MAST4: variants seen among roughly 807,000 people sequenced by gnomAD.
MAST4 encodes microtubule-associated serine/threonine-protein kinase 4.
MAST4 carries 89 observed loss-of-function variants against 162.7 expected under a neutral mutation model. The ratio of observed to expected loss-of-function variants is 0.55; its 90% CI spans 0.46 to 0.65. The LOEUF (loss-of-function observed/expected upper bound fraction) is 0.65. Ranked by LOEUF, MAST4 falls within the 30% of genes least tolerant of loss-of-function variation. The pLI is 0.00. For missense variants in MAST4, 3,153 were observed against 3,374.0 expected (o/e 0.93, Z 1.62); for synonymous variants, 1,479 against 1,361.1 (o/e 1.09, Z -1.91).
At chr5:66,639,667 A>G (rs1221782033) in intron 1 of MAST4, among the ~76,000 whole-genome samples, 1 of 152,176 alleles carries the variant, frequency 6.6e-6, no homozygotes, top group African/African-American at 2.4e-5. Flanking sequence ...TTATATGTGT[A>G]TGTGGGATAA....
chr5:66,894,005 C>G (rs537717858), intron 3 of MAST4, among the ~76,000 whole-genome samples: 1 of 152,298 alleles, frequency 6.6e-6, no homozygotes, highest in Non-Finnish European at 1.5e-5. Flanking sequence ...CCTGTACACC[C>G]AGCTAATTTT....
intron 4 of MAST4, among the ~76,000 whole-genome samples, chr5:67,029,975 TTATA>T (rs1050991946): frequency 1.3e-5 from 2 of 152,088 alleles, no homozygotes; most frequent in Non-Finnish European, 2.9e-5. Context: ...TTTCTCTAAA[TTATA>T]TACTTAAATT....
At position 67,153,078 on chromosome 5, in the gene MAST4, C is replaced by T. The variant is rs112614130; in HGVS notation, c.3525+212C>T. Reference sequence around the variant, plus strand: ...CATAATTCTGTCCAGTTTTCATATTCGATTGTTCTTTCTTACATACCAAGC... The same window carrying T: ...CATAATTCTGTCCAGTTTTCATATTTGATTGTTCTTTCTTACATACCAAGC... On this transcript the variant is annotated intron_variant, in intron 25 of 28. Coordinates refer to ENST00000403625, the MANE Select transcript of MAST4 (RefSeq NM_001164664.2). 7.6e-3 allele frequency among the ~76,000 whole-genome samples: 1,164 copies of T among 152,290 alleles called. 21 individuals are homozygous for T. The highest frequency in any genetic ancestry group is 0.026 in the African/African-American group (1,090 of 41,562).
chr5:66,730,886 A>G (rs771147394), intron 1 of MAST4, among the ~76,000 whole-genome samples: 2 of 152,120 alleles, frequency 1.3e-5, no homozygotes, highest in Admixed American at 6.6e-5. Context: ...TAGGGAAAAG[A>G]GTACTTTACA....
At chr5:67,027,928 G>A (rs1160729048) in intron 4 of MAST4, among the ~76,000 whole-genome samples, 1 of 152,182 alleles carries the variant, frequency 6.6e-6, no homozygotes, top group East Asian at 1.9e-4. Flanking sequence ...AGTAATATCA[G>A]TTGAGCACCT....
intron 4 of MAST4, among the ~76,000 whole-genome samples, chr5:66,965,795 T>G (rs1746659452): frequency 6.6e-6 from 1 of 152,150 alleles, no homozygotes; most frequent in Non-Finnish European, 1.5e-5. Flanking sequence ...ATACTAAAGC[T>G]AAAAAGTTTG....
chr5:66,788,711 C>G lies in MAST4; in HGVS notation c.559C>G (p.Pro187Ala), dbSNP rs758729693. ...LPNPVAGQAWPASAETSNLVR... is the reference protein window; with the variant it reads ...LPNPVAGQAWAASAETSNLVR... ...AAACCCGGTGGCGGGACAGGCCTGG[C>G]CGGCCTCTGCAGAGACGTCCAACCT... Residue 187 changes from proline to alanine, a missense_variant, in exon 3 of 29, where the codon CCG (proline) becomes GCG (alanine). By Grantham distance (27) the Pro-to-Ala change is conservative. This residue lies in a region of MAST4 where 327 missense variants were observed against 336.5 expected (regional missense o/e 0.97). Coordinates refer to ENST00000403625, the MANE Select transcript of MAST4 (RefSeq NM_001164664.2). The G allele has an allele frequency of 6.2e-6, 10 of 1,613,450 alleles. No individual in the cohort carries two copies. In the South Asian group the frequency reaches 8.8e-5, roughly 14 times the overall value.
intron 1 of MAST4, among the ~76,000 whole-genome samples, chr5:66,681,428 G>C (rs912502200): frequency 6.6e-6 from 1 of 152,162 alleles, no homozygotes; most frequent in African/African-American, 2.4e-5. Context: ...AGATCACCTG[G>C]GGTCCACTGA....
At position 66,749,789 on chromosome 5, in the gene MAST4, G is replaced by A. The variant is rs759276625; in HGVS notation, c.364-9920G>A. On this transcript the variant is annotated intron_variant, in intron 1 of 28. Coordinates refer to ENST00000403625, the MANE Select transcript of MAST4 (RefSeq NM_001164664.2). ...CAGAAATAGTTAAATATCTTAATTA[G>A]GATAGTAAGTGTCAGCTCTCATCTG... Among the ~76,000 whole-genome samples, 13 of 152,194 alleles carry A rather than the reference G, an allele frequency of 8.5e-5. No individual in the cohort carries two copies. In the East Asian group the frequency reaches 2.5e-3, roughly 29 times the overall value.
At chr5:66,639,040 T>C (rs1425048428) in intron 1 of MAST4, among the ~76,000 whole-genome samples, 1 of 152,158 alleles carries the variant, frequency 6.6e-6, no homozygotes, top group Non-Finnish European at 1.5e-5. Flanking sequence ...TCAGATAGCA[T>C]GTAGATGATA....
rs116405246 is a variant in MAST4, at chr5:66,725,572, A to G, written c.364-34137A>G. 7.2e-3 allele frequency among the ~76,000 whole-genome samples: 1,095 copies of G among 152,310 alleles called. 9 individuals carry two copies. Among genetic ancestry groups the G allele is most frequent in the African/African-American group, 0.025 (1,056 of 41,576 alleles). On this transcript the variant is annotated intron_variant, in intron 1 of 28. Transcript: ENST00000403625. ...TTTCAAAATAGTATTAACTTCCAAG[A>G]GACACTTCTCTGACTTCTAAAACTT... is the stretch of plus-strand genomic sequence containing the variant.
At position 66,611,594 on chromosome 5, in the gene MAST4, T is replaced by A. The variant is rs2149394846; in HGVS notation, c.363+14576T>A. 2.6e-5 allele frequency among the ~76,000 whole-genome samples: 4 copies of A among 152,336 alleles called. 1 individual carries two copies. The highest frequency in any genetic ancestry group is 2.6e-4 in the Admixed American group (4 of 15,308). ...GCCTCTCTTGATATCTCTTTAGGGATCTTCTGTGGTGTTTAAAAGGAAGGT... is the reference window on the plus strand; with the variant it reads ...GCCTCTCTTGATATCTCTTTAGGGAACTTCTGTGGTGTTTAAAAGGAAGGT... On this transcript the variant is annotated intron_variant, in intron 1 of 28. Coordinates refer to ENST00000403625, the MANE Select transcript of MAST4 (RefSeq NM_001164664.2).
intron 23 of MAST4, among the ~76,000 whole-genome samples, chr5:67,148,782 A>G (rs1180849255): frequency 6.6e-6 from 1 of 152,134 alleles, no homozygotes; most frequent in South Asian, 2.1e-4. Context: ...GAATGAAAGG[A>G]GGCATATGGC....
chr5:67,049,466 T>A (rs908003196), intron 4 of MAST4, among the ~76,000 whole-genome samples: 2 of 152,152 alleles, frequency 1.3e-5, no homozygotes, highest in Non-Finnish European at 2.9e-5. Flanking sequence ...TTTCTTCCAC[T>A]TCAGCCTTCT....
At chr5:66,798,239 T>C (rs577781780) in intron 3 of MAST4, among the ~76,000 whole-genome samples, 27 of 152,084 alleles carry the variant, frequency 1.8e-4, no homozygotes, top group African/African-American at 6.3e-4. Context: ...TGTGGAGTAG[T>C]GTGGTAATGT....
At chr5:66,960,628 G>A (rs1416217137) in intron 4 of MAST4, among the ~76,000 whole-genome samples, 3 of 152,124 alleles carry the variant, frequency 2.0e-5, no homozygotes, top group Non-Finnish European at 2.9e-5. Context: ...TTAACCTCCC[G>A]CTTTGCTTTT....
At chr5:66,683,876 T>C (rs1245227815) in intron 1 of MAST4, among the ~76,000 whole-genome samples, 1 of 152,186 alleles carries the variant, frequency 6.6e-6, no homozygotes, top group African/African-American at 2.4e-5. Context: ...CTGCAGAGAC[T>C]GGTATTCCCA....
chr5:66,630,067 A>G (rs897161608), intron 1 of MAST4, among the ~76,000 whole-genome samples: 14 of 152,282 alleles, frequency 9.2e-5, no homozygotes, highest in African/African-American at 3.1e-4. Context: ...CACTGGGTAC[A>G]TATTAGAATC....
At chr5:66,663,162 C>A (rs1747017131) in intron 1 of MAST4, among the ~76,000 whole-genome samples, 1 of 152,172 alleles carries the variant, frequency 6.6e-6, no homozygotes, top group South Asian at 2.1e-4. Context: ...TTGCTGGGCC[C>A]TCAGGATTGT....
Sources: allele counts gnomAD v4.1 joint callset (sites outside exome capture counted in the v4.1 genomes callset), GRCh38; gene constraint gnomAD v4.1.1; regional missense constraint gnomAD v4.1.1; transcripts MANE v1.5; gene names NCBI Gene and HGNC (gene_info 2026-07-23, HGNC 2026-07-21).